The following SYNE1 variants were observed in gnomAD, a reference collection of about 807,000 sequenced individuals.
SYNE1 encodes the protein nesprin-1.
In SYNE1, 616 loss-of-function variants were observed where a neutral mutation model predicts 1,111.0. The ratio of observed to expected loss-of-function variants is 0.55; its 90% CI spans 0.52 to 0.59. The LOEUF (loss-of-function observed/expected upper bound fraction) is 0.59, where lower values mean the gene tolerates loss of function less well. SYNE1 is among the 20% of genes least tolerant of loss of function. SYNE1 has a pLI of 0.00. For synonymous variants in SYNE1, 3,855 were observed against 3,825.8 expected, an observed-to-expected ratio of 1.01 and a Z score of -0.28; for missense variants, 10,006 against 10,417.0, an observed-to-expected ratio of 0.96 and a Z score of 1.72.
At chr6:152,297,584 G>C (rs1409374787) in intron 93 of SYNE1, among the ~76,000 whole-genome samples, 1 of 152,096 alleles carries the variant, frequency 6.6e-6, no homozygotes, top group African/African-American at 2.4e-5. Context: ...AATCATGCTT[G>C]TAAATGCACT....
At chr6:152,149,764 G>T in intron 135 of SYNE1, 96 bp from the exon 136 acceptor site, 1 of 1,042,678 alleles carries the variant, frequency 9.6e-7, no homozygotes. Flanking sequence ...CATTAAAAAA[G>T]ACATGTAGGG....
At chr6:152,357,209 CA>C (rs2096853876) in intron 66 of SYNE1, among the ~76,000 whole-genome samples, 1 of 152,276 alleles carries the variant, frequency 6.6e-6, no homozygotes, top group South Asian at 2.1e-4. Flanking sequence ...GAAATTGGGT[CA>C]GAGAAGTTGT....
At chr6:152,335,272 A>T (rs1324843928) in intron 76 of SYNE1, 1 of 152,244 alleles carries the variant, frequency 6.6e-6, no homozygotes, top group Non-Finnish European at 1.5e-5. Context: ...AATGTTAACA[A>T]GAGTATCATC....
Position 152,381,364 on chromosome 6 carries a change from T to C in SYNE1, c.8653-2A>G. 1 of 1,612,796 alleles carries C rather than the reference T, an allele frequency of 6.2e-7. No individual in the cohort carries two copies. Among genetic ancestry groups the C allele is most frequent in the Non-Finnish European group, 8.5e-7 (1 of 1,179,852 alleles). ...AATCTCTCTGGAATCTATCAGCTCC[T>C]GTAATGGAATATCACCATGGTAACT... On this transcript the variant is annotated splice_acceptor_variant, in intron 55 of 145. Transcript: ENST00000367255. LOFTEE classifies it high-confidence loss of function.
Position 152,213,769 on chromosome 6 carries a change from C to G in SYNE1, c.22347-10G>C, listed in dbSNP as rs1213900005. 1 of 1,613,888 alleles carries G rather than the reference C, an allele frequency of 6.2e-7. No individual in the cohort carries two copies. Among genetic ancestry groups the G allele is most frequent in the East Asian group, 2.2e-5 (1 of 44,856 alleles). On this transcript the variant is annotated splice_polypyrimidine_tract_variant and intron_variant, in intron 122 of 145. Coordinates refer to ENST00000367255, the MANE Select transcript of SYNE1 (RefSeq NM_182961.4). ...AAATGACTGCAACTTGCTGAAAGAA[C>G]AAAGGGCAAGGAACAATGGTTATTT... is the stretch of plus-strand genomic sequence containing the variant.
chr6:152,619,743 G>T (rs1440909666), intron 3 of SYNE1, among the ~76,000 whole-genome samples: 1 of 151,374 alleles, frequency 6.6e-6, no homozygotes, highest in Non-Finnish European at 1.5e-5. Context: ...TGACACACAA[G>T]TGTCCAAGAT....
intron 4 of SYNE1, among the ~76,000 whole-genome samples, chr6:152,530,470 T>C (rs1013842057): frequency 2.2e-5 from 1 of 45,332 alleles, no homozygotes; most frequent in East Asian, 3.1e-3. Context: ...ATTGTATGGT[T>C]TTTTTTTTTT....
At chr6:152,316,397 AG>A (rs1196921447) in intron 87 of SYNE1, 1 of 200,792 alleles carries the variant, frequency 5.0e-6, no homozygotes, top group Admixed American at 5.4e-5. Flanking sequence ...ACAAATGATG[AG>A]AAGACAGAAT....
At chr6:152,328,701 C>G (rs535206488) in intron 78 of SYNE1, among the ~76,000 whole-genome samples, 3 of 152,124 alleles carry the variant, frequency 2.0e-5, no homozygotes, top group South Asian at 2.1e-4. Flanking sequence ...CGTGAGCCAC[C>G]GCGCCCAGCC....
chr6:152,302,268 GTGCCCGAGCCCGCGTC>G, intron 91 of SYNE1: 1 of 672,700 alleles, frequency 1.5e-6, no homozygotes, highest in African/African-American at 1.8e-5. Flanking sequence ...CACAGCCAAA[GTGCCCGAGCCCGCGTC>G]CCCGCGTCGG....
At chr6:152,587,960 GA>G (rs748400812) in intron 3 of SYNE1, among the ~76,000 whole-genome samples, 7 of 152,188 alleles carry the variant, frequency 4.6e-5, no homozygotes, top group Non-Finnish European at 7.4e-5. Flanking sequence ...TTGAATCAAA[GA>G]ACCAACTCTT....
chr6:152,588,736 A>G (rs1376500850), intron 3 of SYNE1, among the ~76,000 whole-genome samples: 2 of 152,126 alleles, frequency 1.3e-5, no homozygotes, highest in Non-Finnish European at 2.9e-5. Context: ...AGGCAGGCAC[A>G]TTTTGAAGTC....
chr6:152,184,314 G>T (rs1406451068), intron 128 of SYNE1, among the ~76,000 whole-genome samples: 1 of 152,014 alleles, frequency 6.6e-6, no homozygotes, highest in Non-Finnish European at 1.5e-5. Flanking sequence ...GCAGGTGCCT[G>T]TAATCCCAGC....
intron 121 of SYNE1, 85 bp from the exon 122 acceptor site, chr6:152,215,145 C>T: frequency 6.7e-7 from 1 of 1,488,664 alleles, no homozygotes; most frequent in Non-Finnish European, 9.3e-7. Context: ...TTTCTGATTT[C>T]AGGAAGTAGC....
chr6:152,468,657 G>T (rs758997143), intron 16 of SYNE1, among the ~76,000 whole-genome samples: 2 of 152,062 alleles, frequency 1.3e-5, no homozygotes, highest in African/African-American at 2.4e-5. Flanking sequence ...TTTGCAGGAC[G>T]GATAAGTCTG....
intron 3 of SYNE1, among the ~76,000 whole-genome samples, chr6:152,550,678 G>C (rs2099340379): frequency 1.3e-5 from 2 of 151,752 alleles, no homozygotes; most frequent in South Asian, 2.1e-4. Flanking sequence ...ATTGAGAAAA[G>C]ACTATTTATA....
intron 43 of SYNE1, 48 bp from the exon 44 acceptor site, chr6:152,409,274 A>T: frequency 6.3e-7 from 1 of 1,579,956 alleles, no homozygotes; most frequent in Non-Finnish European, 8.7e-7. Context: ...GTGATAAGTC[A>T]TGAGTTTAAA....
chr6:152,412,227 C>T (rs1417117043), intron 42 of SYNE1, among the ~76,000 whole-genome samples: 2 of 151,936 alleles, frequency 1.3e-5, no homozygotes, highest in African/African-American at 4.8e-5. Flanking sequence ...CGAGACCATC[C>T]TGGCTAACAC....
intron 74 of SYNE1, among the ~76,000 whole-genome samples, chr6:152,343,782 G>A (rs1036132301): frequency 2.6e-5 from 4 of 151,902 alleles, no homozygotes; most frequent in Admixed American, 2.0e-4. Flanking sequence ...TGGCCAGGCT[G>A]GTCTCGAGCT....
Sources: gnomAD v4.1 joint callset for allele counts (sites outside exome capture counted in the v4.1 genomes callset) on GRCh38, gnomAD v4.1.1 for gene constraint, MANE v1.5 for transcripts, NCBI Gene and HGNC (gene_info 2026-07-23, HGNC 2026-07-21) for gene names.